The following RFC2 variants were observed in gnomAD, a reference collection of about 807,000 sequenced individuals.
The protein encoded by RFC2 is replication factor C subunit 2, also known as A1 40 kDa subunit.
Under a neutral mutation model 44.8 loss-of-function variants are expected in RFC2, and 34 were observed. The observed-to-expected ratio is 0.76, with a 90% CI of 0.58 to 1.01. The LOEUF (loss-of-function observed/expected upper bound fraction) is 1.01, where lower values mean the gene tolerates loss of function less well. Among genes scored for constraint, RFC2 ranks in the 50% least tolerant of loss-of-function variants. RFC2 has a pLI of 0.00. For synonymous variants in RFC2, 177 were observed against 168.9 expected (o/e 1.05, Z -0.37); for missense variants, 400 against 453.6 (o/e 0.88, Z 1.07).
intron 6 of RFC2, among the ~76,000 whole-genome samples, chr7:74,242,069 G>C (rs1391927707): frequency 1.3e-5 from 2 of 152,204 alleles, no homozygotes; most frequent in Non-Finnish European, 2.9e-5. Context: ...GCTGCAGGGA[G>C]GGAGGTGGAA....
intron 2 of RFC2, among the ~76,000 whole-genome samples, chr7:74,252,178 C>T (rs1278118101): frequency 7.3e-6 from 1 of 137,262 alleles, no homozygotes; most frequent in Non-Finnish European, 1.5e-5. Flanking sequence ...GAGGCCGAGG[C>T]GGGAGGATCA....
intron 3 of RFC2, 32 bp downstream of exon 3, chr7:74,249,707 G>A: frequency 6.3e-7 from 1 of 1,589,708 alleles, no homozygotes; most frequent in Non-Finnish European, 8.6e-7. Flanking sequence ...GAGACATGGA[G>A]ACACTCAACA....
At chr7:74,233,598 T>TTTA (rs1463935494) in intron 10 of RFC2, among the ~76,000 whole-genome samples, 3 of 147,520 alleles carry the variant, frequency 2.0e-5, no homozygotes, top group Non-Finnish European at 4.5e-5. Flanking sequence ...GTTATTGGTT[T>TTTA]TTTTTTTTTT....
In RFC2 at chr7:74,231,607, A is replaced by G. The variant is rs1401834305; in HGVS notation, c.*499T>C. The G allele has an allele frequency of 1.3e-5, 2 of 154,264 alleles. No individual in the cohort carries two copies. The highest frequency in any genetic ancestry group is 4.8e-5 in the African/African-American group (2 of 41,472). 9.6% of individuals were successfully genotyped at this position (154,264 alleles called of 1,614,324 possible). On this transcript the variant is annotated 3_prime_UTR_variant, in exon 11 of 11. Transcript: ENST00000055077. The stretch of plus-strand genomic sequence containing the variant: ...GCCTTTCCGCCCCGTCACCGCATCA[A>G]TGGGGTGGAGGCCAAACTCAAACAC...
intron 5 of RFC2, among the ~76,000 whole-genome samples, chr7:74,243,860 TACA>T (rs1554719588): frequency 6.6e-6 from 1 of 150,996 alleles, no homozygotes; most frequent in African/African-American, 2.4e-5. Flanking sequence ...GAGCAATGCC[TACA>T]ACATTAAAAG....
intron 6 of RFC2, 150 bp downstream of exon 6, chr7:74,242,996 A>T: frequency 1.8e-6 from 1 of 571,162 alleles, no homozygotes; most frequent in Non-Finnish European, 3.1e-6. Flanking sequence ...AGGCAGGAAG[A>T]CCACTTGAGC....
At position 74,232,188 on chromosome 7, in the gene RFC2, G is replaced by A. The variant is rs41272921; in HGVS notation, c.983C>T (p.Ala328Val). 140 of 1,611,704 alleles carry A rather than the reference G, an allele frequency of 8.7e-5. No individual in the cohort carries two copies. The highest frequency in any genetic ancestry group is 1.8e-4 in the Admixed American group (11 of 59,980). The change falls in exon 11 of 11, where the codon GCG (alanine) becomes GTG (valine). Residue 328 changes from alanine (A) to valine (V), a missense_variant. Transcript: ENST00000055077. The part of the protein sequence containing the change: ...KEIGYTHMKI[A>V]EGVNSLLQMA... Reference sequence around the variant, plus strand: ...CTGCAAAAGAGAGTTCACTCCTTCCGCTATTTTCATGTGAGTGTATCCAAT... The same window carrying A: ...CTGCAAAAGAGAGTTCACTCCTTCCACTATTTTCATGTGAGTGTATCCAAT...
chr7:74,239,961 T>C lies in RFC2; in HGVS notation c.670A>G (p.Thr224Ala). The change falls in exon 7 of 11, where the codon ACG becomes GCG. Residue 224 changes from threonine (T) to alanine (A), a missense_variant. Transcript: ENST00000055077. ...TDDGLEAIIF[T>A]AQGDMRQALN... ...ACCTGCCTCATGTCTCCCTGGGCCG[T>C]GAAGATGATGGCTTCTAGGCCGTCA... The C allele has an allele frequency of 6.2e-7, 1 of 1,610,702 alleles. No homozygotes were observed. Among genetic ancestry groups the C allele is most frequent in the South Asian group, 1.1e-5 (1 of 90,418 alleles).
At chr7:74,243,685 C>T (rs1158093766) in intron 5 of RFC2, among the ~76,000 whole-genome samples, 2 of 150,432 alleles carry the variant, frequency 1.3e-5, no homozygotes, top group African/African-American at 4.9e-5. Flanking sequence ...ACTGCAGCCT[C>T]GAACTCCTGG....
chr7:74,246,985 T>C (rs536610097), intron 4 of RFC2, among the ~76,000 whole-genome samples: 1 of 151,342 alleles, frequency 6.6e-6, no homozygotes, highest in South Asian at 2.1e-4. Flanking sequence ...CTTTTTTTTT[T>C]TTTTTCTTCA....
chr7:74,250,994 C>G (rs549312529), intron 2 of RFC2, among the ~76,000 whole-genome samples: 1 of 152,252 alleles, frequency 6.6e-6, no homozygotes, highest in East Asian at 1.9e-4. Context: ...GCCATGTTGG[C>G]CAGGCTGGTC....
chr7:74,236,961 C>A (rs1803052680), intron 9 of RFC2, among the ~76,000 whole-genome samples: 1 of 151,326 alleles, frequency 6.6e-6, no homozygotes, highest in African/African-American at 2.4e-5. Context: ...CCTGTTTCTA[C>A]ATAAATAAAT....
chr7:74,232,277 G>A (rs1405821818), intron 10 of RFC2, 61 bp from the exon 11 acceptor site: 2 of 888,360 alleles, frequency 2.3e-6, no homozygotes, highest in Non-Finnish European at 1.8e-6. Context: ...TTTAAAATCT[G>A]AACTGAAAAA....
Position 74,243,003 on chromosome 7 carries a change from G to A in RFC2, c.535+143C>T, listed in dbSNP as rs188666133. On this transcript the variant is annotated intron_variant, in intron 6 of 10. Transcript: ENST00000055077. ...GGAGGCTGAGGCAGGAAGACCACTT[G>A]AGCACAGGAGTTTGAGGCTGCAGTG... 105 of 587,298 alleles carry A rather than the reference G, an allele frequency of 1.8e-4. No individual in the cohort carries two copies. The East Asian group carries it at 2.1e-3, about 11-fold the overall frequency. The allele number at this position is 587,298 out of a possible 1,614,324, so 36.4% of individuals were successfully genotyped here.
intron 4 of RFC2, among the ~76,000 whole-genome samples, chr7:74,247,504 C>T (rs1396726559): frequency 6.6e-6 from 1 of 152,162 alleles, no homozygotes; most frequent in East Asian, 1.9e-4. Context: ...CCTGGGCGTG[C>T]CCGCGCACGC....
In RFC2 at chr7:74,246,759, T is replaced by C. The variant is rs1554720102; in HGVS notation, c.337A>G (p.Ile113Val). 2 of 1,608,990 alleles carry C rather than the reference T, an allele frequency of 1.2e-6. No individual in the cohort carries two copies. The highest frequency in any genetic ancestry group is 8.5e-7 in the Non-Finnish European group (1 of 1,176,232). The change falls in exon 5 of 11, where the codon ATT (isoleucine) becomes GTT (valine). Residue 113 changes from isoleucine to valine, a missense_variant. Transcript: ENST00000055077. Reference sequence around the variant, plus strand: ...TTAATTTTATTCCTCACAACGTCAATGCCCCTGAAAGAATGACAGGTTTTT... The same window carrying C: ...TTAATTTTATTCCTCACAACGTCAACGCCCCTGAAAGAATGACAGGTTTTT... ...LELNASNDRG[I>V]DVVRNKIKMF... is the part of the protein sequence containing the mutation.
intron 6 of RFC2, among the ~76,000 whole-genome samples, chr7:74,241,311 C>T (rs3135676): frequency 0.079 from 11,957 of 152,214 alleles, 497 homozygotes; most frequent in East Asian, 0.092. Flanking sequence ...TTAAACTCCA[C>T]GAGCTCTCCA....
intron 10 of RFC2, chr7:74,233,816 G>A: frequency 2.2e-6 from 1 of 456,610 alleles, no homozygotes; most frequent in Non-Finnish European, 4.4e-6. Flanking sequence ...ACTCCATGTG[G>A]TGGCTAGGTT....
chr7:74,246,887 G>A, intron 4 of RFC2, 124 bp from the exon 5 acceptor site: 1 of 520,924 alleles, frequency 1.9e-6, no homozygotes, highest in South Asian at 2.9e-5. Context: ...AGTTTTTTTG[G>A]GGGGCAATTG....
Sources: gnomAD v4.1 joint callset for allele counts (sites outside exome capture counted in the v4.1 genomes callset) on GRCh38, gnomAD v4.1.1 for gene constraint, MANE v1.5 for transcripts, NCBI Gene and HGNC (gene_info 2026-07-23, HGNC 2026-07-21) for gene names.